The following HHIP variants were observed in gnomAD, a reference collection of about 807,000 sequenced individuals.
HHIP encodes hedgehog-interacting protein.
HHIP carries 12 observed loss-of-function variants against 74.0 expected under a neutral mutation model. The ratio of observed to expected loss-of-function variants is 0.16; its 90% confidence interval spans 0.10 to 0.26. The LOEUF is 0.26. Ranked by LOEUF, HHIP falls within the 10% of genes least tolerant of loss-of-function variation. The probability of loss-of-function intolerance (pLI) is 1.00; values close to 1 mark genes in which losing one functional copy is unlikely to be tolerated. For synonymous variants in HHIP, 309 were observed against 311.6 expected, an observed-to-expected ratio of 0.99 and a Z score of 0.09; for missense variants, 788 against 845.0, an observed-to-expected ratio of 0.93 and a Z score of 0.84.
At position 144,743,912 on chromosome 4, in the gene HHIP, C is replaced by T; in HGVS notation, c.*5955C>T. 6.6e-6 allele frequency: 1 copy of T among 152,012 alleles called. No homozygotes were observed. Among genetic ancestry groups the T allele is most frequent in the East Asian group, 1.9e-4 (1 of 5,188 alleles). 9.4% of individuals were successfully genotyped at this position (152,012 alleles called of 1,614,324 possible). ...CAGGTTTGGGATAGTATGCCCAAAA[C>T]CTATGTTTCTTTACTTTATATTCTT... On this transcript the variant is annotated 3_prime_UTR_variant, in exon 13 of 13. Coordinates refer to ENST00000296575, the MANE Select transcript of HHIP (RefSeq NM_022475.3).
Position 144,738,594 on chromosome 4 carries a change from A to G in HHIP, c.*637A>G. On this transcript the variant is annotated 3_prime_UTR_variant, in exon 13 of 13. Coordinates refer to ENST00000296575, the MANE Select transcript of HHIP (RefSeq NM_022475.3). ...TTGTTTTCAAGTGTTTTATAATTAAATCATAATAGCATATTTTAAAATCAA... is the reference window on the plus strand; with the variant it reads ...TTGTTTTCAAGTGTTTTATAATTAAGTCATAATAGCATATTTTAAAATCAA... 45 of 751,734 alleles carry G rather than the reference A, an allele frequency of 6.0e-5. No homozygotes were observed. Among genetic ancestry groups the G allele is most frequent in the Non-Finnish European group, 7.1e-5 (44 of 616,760 alleles). 46.6% of individuals were successfully genotyped at this position (751,734 alleles called of 1,614,324 possible).
intron 2 of HHIP, among the ~76,000 whole-genome samples, chr4:144,657,550 G>A (rs1426777257): frequency 6.6e-6 from 1 of 152,196 alleles, no homozygotes; most frequent in Non-Finnish European, 1.5e-5. Context: ...TCATTAGAAT[G>A]TGGAAGTGAG....
intron 10 of HHIP, among the ~76,000 whole-genome samples, chr4:144,717,122 C>A (rs1452836998): frequency 6.6e-6 from 1 of 152,018 alleles, no homozygotes; most frequent in Non-Finnish European, 1.5e-5. Flanking sequence ...CCTGTATATA[C>A]CTCATAATTA....
rs185913709 is a variant in HHIP, at chr4:144,665,788, T to C, written c.831+5950T>C. Among the ~76,000 whole-genome samples, 1,146 of 152,350 alleles carry C rather than the reference T, an allele frequency of 7.5e-3. 43 individuals carry two copies. Among genetic ancestry groups the C allele is most frequent in the Admixed American group, 0.066 (1,016 of 15,308 alleles). ...CCCTATTTTTTACTGAAGCAGAAACTGGAGTGACAGATGCCATGTTTCTCC... is the reference window on the plus strand; with the variant it reads ...CCCTATTTTTTACTGAAGCAGAAACCGGAGTGACAGATGCCATGTTTCTCC... On this transcript the variant is annotated intron_variant, in intron 4 of 12. Coordinates refer to ENST00000296575, the MANE Select transcript of HHIP (RefSeq NM_022475.3).
At chr4:144,682,918 T>C (rs1267561144) in intron 4 of HHIP, among the ~76,000 whole-genome samples, 5 of 152,236 alleles carry the variant, frequency 3.3e-5, no homozygotes, top group Non-Finnish European at 5.9e-5. Context: ...ATTCCAGTTC[T>C]TGTCTCAAAT....
chr4:144,695,204 C>T (rs1222953021), intron 4 of HHIP, among the ~76,000 whole-genome samples: 1 of 151,558 alleles, frequency 6.6e-6, no homozygotes, highest in African/African-American at 2.4e-5. Flanking sequence ...GAGTGAAATC[C>T]ATGAGACACT....
intron 11 of HHIP, among the ~76,000 whole-genome samples, chr4:144,720,335 C>G (rs1240838145): frequency 6.6e-6 from 1 of 152,164 alleles, no homozygotes; most frequent in Non-Finnish European, 1.5e-5. Flanking sequence ...GTACGGATTT[C>G]ACTCAGATAT....
chr4:144,718,123 T>C (rs1396382515), intron 10 of HHIP, among the ~76,000 whole-genome samples: 1 of 152,190 alleles, frequency 6.6e-6, no homozygotes, highest in African/African-American at 2.4e-5. Flanking sequence ...AAAAATACGG[T>C]ACATAAATTG....
intron 4 of HHIP, among the ~76,000 whole-genome samples, chr4:144,664,031 C>T (rs751170522): frequency 2.6e-5 from 4 of 152,170 alleles, no homozygotes; most frequent in African/African-American, 7.2e-5. Context: ...TTAGTTCTTG[C>T]GAGTGGTCAG....
At chr4:144,711,161 G>A (rs1397731498) in intron 7 of HHIP, among the ~76,000 whole-genome samples, 1 of 152,150 alleles carries the variant, frequency 6.6e-6, no homozygotes, top group Non-Finnish European at 1.5e-5. Flanking sequence ...GATATTTGTA[G>A]GGACCAGCTT....
At position 144,735,689 on chromosome 4, in the gene HHIP, C is replaced by T. The variant is rs139835412; in HGVS notation, c.1909+800C>T. Among the ~76,000 whole-genome samples, 191 of 152,068 alleles carry T rather than the reference C, an allele frequency of 1.3e-3. 1 individual carries two copies. Among genetic ancestry groups the T allele is most frequent in the African/African-American group, 4.2e-3 (175 of 41,506 alleles). On this transcript the variant is annotated intron_variant, in intron 12 of 12. Transcript: ENST00000296575. ...ATTTCAAATATTAAAATACTTATTG[C>T]CAATGAAAATTAAAACCTCAAATTA...
chr4:144,721,046 C>T (rs561469750), intron 11 of HHIP, among the ~76,000 whole-genome samples: 19 of 152,108 alleles, frequency 1.2e-4, no homozygotes, highest in African/African-American at 4.3e-4. Flanking sequence ...TATATAGACA[C>T]GTTTTGTTAT....
chr4:144,706,775 T>G, intron 5 of HHIP, 93 bp downstream of exon 5: 10 of 1,166,282 alleles, frequency 8.6e-6, no homozygotes, highest in Non-Finnish European at 1.2e-5. Flanking sequence ...TGCAAATAAG[T>G]AACCATAAGG....
At position 144,706,696 on chromosome 4, in the gene HHIP, G is replaced by C. The variant is rs201355400; in HGVS notation, c.983+14G>C. The C allele has an allele frequency of 1.3e-5, 20 of 1,569,838 alleles. No individual in the cohort carries two copies. Among genetic ancestry groups the C allele is most frequent in the Non-Finnish European group, 3.4e-6 (4 of 1,164,392 alleles). On this transcript the variant is annotated intron_variant, in intron 5 of 12. Transcript: ENST00000296575. ...CACAGTATCCAGGTATCACTAAAAG[G>C]CATCGAAGCATAGAAATTTCTCATC...
intron 8 of HHIP, among the ~76,000 whole-genome samples, chr4:144,712,979 A>C (rs1416964009): frequency 6.6e-6 from 1 of 151,646 alleles, no homozygotes; most frequent in African/African-American, 2.4e-5. Context: ...CTAATGAGTC[A>C]CTAGCTCGAT....
chr4:144,733,668 C>T (rs976169735), intron 11 of HHIP, among the ~76,000 whole-genome samples: 1 of 152,124 alleles, frequency 6.6e-6, no homozygotes, highest in Non-Finnish European at 1.5e-5. Context: ...CGTCCTAATG[C>T]TGTTGATTTG....
intron 11 of HHIP, among the ~76,000 whole-genome samples, chr4:144,730,016 T>C (rs1730909679): frequency 6.6e-6 from 1 of 152,220 alleles, no homozygotes; most frequent in African/African-American, 2.4e-5. Context: ...GGACTTCTCA[T>C]GTACTGATTT....
In HHIP at chr4:144,658,838, A is replaced by C. The variant is rs531111266; in HGVS notation, c.521A>C (p.Lys174Thr). 6.2e-7 allele frequency: 1 copy of C among 1,613,808 alleles called. No homozygotes were observed. The highest frequency in any genetic ancestry group is 1.7e-5 in the Admixed American group (1 of 59,992). Residue 174 changes from lysine (K) to threonine (T), a missense_variant, in exon 3 of 13, where the codon AAA becomes ACA. Coordinates refer to ENST00000296575, the MANE Select transcript of HHIP (RefSeq NM_022475.3). Reference sequence around the variant, plus strand: ...GAGTTTTGCTTTTACTATGCAAGAAAAGATGGTGGGTTGTGCTTTCCAGAT... The same window carrying C: ...GAGTTTTGCTTTTACTATGCAAGAACAGATGGTGGGTTGTGCTTTCCAGAT... ...ADEFCFYYARKDGGLCFPDFP... is the reference protein window; with the variant it reads ...ADEFCFYYARTDGGLCFPDFP...
rs368008005 is a variant in HHIP, at chr4:144,731,877, T to C, written c.1761-2864T>C. On this transcript the variant is annotated intron_variant, in intron 11 of 12. Coordinates refer to ENST00000296575, the MANE Select transcript of HHIP (RefSeq NM_022475.3). ...TGCCTCCTCATCTGTATTTCTATGA[T>C]ACTTCATGTGTGCCTGTATCATAGC... is the stretch of plus-strand genomic sequence containing the variant. 1.2e-4 allele frequency among the ~76,000 whole-genome samples: 19 copies of C among 152,344 alleles called. No homozygotes were observed. The South Asian group carries it at 3.7e-3, about 30-fold the overall frequency.
Sources: allele counts gnomAD v4.1 joint callset (sites outside exome capture counted in the v4.1 genomes callset), GRCh38; gene constraint gnomAD v4.1.1; transcripts MANE v1.5; gene names NCBI Gene and HGNC (gene_info 2026-07-23, HGNC 2026-07-21).